KCNQ1OT1: variants seen among roughly 807,000 people sequenced by gnomAD.
KCNQ1OT1 encodes KCNQ1 antisense RNA 2 (non-protein coding).
At position 2,623,417 on chromosome 11, in the gene KCNQ1OT1, C is replaced by T. The variant is rs1849206773; in HGVS notation, n.76578G>A. ...TGCCCTAAAAGTACTCTGTGCACTG[C>T]CTATTCAACCCTTCTTCCCCAACAA... On this transcript the variant is annotated non_coding_transcript_exon_variant, in exon 1 of 1. Coordinates refer to ENST00000597346, the Ensembl canonical transcript of KCNQ1OT1. The surrounding 1 kb of genome is among the most constrained non-coding windows in gnomAD (Gnocchi z 5.2). 5.0e-6 allele frequency: 2 copies of T among 398,416 alleles called. No individual in the cohort carries two copies. Among genetic ancestry groups the T allele is most frequent in the African/African-American group, 2.1e-5 (1 of 48,614 alleles). 24.7% of individuals were successfully genotyped at this position (398,416 alleles called of 1,614,324 possible).
chr11:2,649,280 T>G (rs1465657472), exon 1 of KCNQ1OT1: 2 of 398,496 alleles, frequency 5.0e-6, no homozygotes, highest in Non-Finnish European at 4.4e-6. Flanking sequence ...TTGTATACTT[T>G]TGTTTCCTCT....
chr11:2,650,056 GCTTGA>G (rs1166590270), exon 1 of KCNQ1OT1: 2 of 398,062 alleles, frequency 5.0e-6, no homozygotes, highest in Non-Finnish European at 8.9e-6. Context: ...TATTTCTTCT[GCTTGA>G]CTTAGCCGGC....
At chr11:2,640,098 C>T (rs933906932) in exon 1 of KCNQ1OT1, 21 of 264,748 alleles carry the variant, frequency 7.9e-5, no homozygotes, top group Admixed American at 1.6e-4. Context: ...TTCCAGGTGC[C>T]GTCTGTCACC....
chr11:2,628,064 T>C (rs1849289636), exon 1 of KCNQ1OT1: 1 of 398,652 alleles, frequency 2.5e-6, no homozygotes, highest in African/African-American at 2.1e-5. Flanking sequence ...ACTATGTTGC[T>C]CATTTCTTGA....
exon 1 of KCNQ1OT1, chr11:2,614,578 A>G (rs1849030647): frequency 2.5e-6 from 1 of 398,386 alleles, no homozygotes; most frequent in Non-Finnish European, 4.4e-6. Flanking sequence ...TATGGGTCCA[A>G]CTTCATTCTT....
exon 1 of KCNQ1OT1, chr11:2,638,722 G>A (rs1170245648): frequency 1.3e-5 from 2 of 152,176 alleles, no homozygotes; most frequent in Non-Finnish European, 2.9e-5. Context: ...ATGTTGGCCT[G>A]CCTTGCTAGG....
At chr11:2,633,078 T>C (rs1849389543) in exon 1 of KCNQ1OT1, 2 of 398,394 alleles carry the variant, frequency 5.0e-6, no homozygotes, top group Non-Finnish European at 4.4e-6. Flanking sequence ...CCAGCATTTG[T>C]TATGTTTTGT....
rs1202270975 is a variant in KCNQ1OT1, at chr11:2,663,943, A to C, written n.36052T>G. On this transcript the variant is annotated non_coding_transcript_exon_variant, in exon 1 of 1. Transcript: ENST00000597346. The surrounding 1 kb of genome is among the most constrained non-coding windows in gnomAD (Gnocchi z 5.2). ...GGGCTGTTTCTTGTTCCACTCCAGG[A>C]TGACAGGGCCTGAGAGACCTGAACA... 2 of 398,552 alleles carry C rather than the reference A, an allele frequency of 5.0e-6. No homozygotes were observed. The highest frequency in any genetic ancestry group is 2.1e-5 in the African/African-American group (1 of 48,622). The allele number at this position is 398,552 out of a possible 1,614,324, so 24.7% of individuals were successfully genotyped here. A position where few individuals can be genotyped will look rare whatever the true frequency, so the allele number is the denominator to read the frequency against.
rs1850563522 is a variant in KCNQ1OT1, at chr11:2,690,094, A to G, written n.9901T>C. 2 of 398,800 alleles carry G rather than the reference A, an allele frequency of 5.0e-6. No homozygotes were observed. The highest frequency in any genetic ancestry group is 8.8e-6 in the Non-Finnish European group (2 of 226,298). 24.7% of individuals were successfully genotyped at this position (398,800 alleles called of 1,614,324 possible). A position where few individuals can be genotyped will look rare whatever the true frequency, so the allele number is the denominator to read the frequency against. ...CTGGGCTGAAGGCACAGCAGGGACA[A>G]TCGCTCTTCCGGGGTTAGAACTGGG... On this transcript the variant is annotated non_coding_transcript_exon_variant, in exon 1 of 1. Transcript: ENST00000597346. The surrounding 1 kb of genome is among the most constrained non-coding windows in gnomAD (Gnocchi z 5.1).
At chr11:2,640,732 T>C (rs1849561898) in exon 1 of KCNQ1OT1, 2 of 398,464 alleles carry the variant, frequency 5.0e-6, no homozygotes, top group African/African-American at 2.1e-5. Flanking sequence ...TACATTATAT[T>C]GTTAAATATA....
In KCNQ1OT1 at chr11:2,653,868, G is replaced by A; in HGVS notation, n.46127C>T. 2.5e-6 allele frequency: 1 copy of A among 398,644 alleles called. No individual in the cohort carries two copies. The highest frequency in any genetic ancestry group is 4.4e-6 in the Non-Finnish European group (1 of 226,080). The allele number at this position is 398,644 out of a possible 1,614,324, so 24.7% of individuals were successfully genotyped here. On this transcript the variant is annotated non_coding_transcript_exon_variant, in exon 1 of 1. Transcript: ENST00000597346. This position sits in a 1 kb window ranked among gnomAD's most constrained non-coding sequence, Gnocchi z 5.3. ...GAGGGTACCTAAACACTGCACACTA[G>A]GAGTGGGAAAGGAAGAGCCCCCTAA...
rs201000825 is a variant in KCNQ1OT1, at chr11:2,658,977, A to G, written n.41018T>C. ...CTTTTGCTTTAACCATAGAGTGTCC[A>G]GTCAAAACAGTGTTTTTGAAAGCAA... On this transcript the variant is annotated non_coding_transcript_exon_variant, in exon 1 of 1. Coordinates refer to ENST00000597346, the Ensembl canonical transcript of KCNQ1OT1. The surrounding 1 kb of genome is among the most constrained non-coding windows in gnomAD (Gnocchi z 4.9). The G allele has an allele frequency of 7.5e-6, 3 of 398,568 alleles. No individual in the cohort carries two copies. The highest frequency in any genetic ancestry group is 6.2e-5 in the African/African-American group (3 of 48,740). 24.7% of individuals were successfully genotyped at this position (398,568 alleles called of 1,614,324 possible). A position where few individuals can be genotyped will look rare whatever the true frequency, so the allele number is the denominator to read the frequency against.
In KCNQ1OT1 at chr11:2,621,943, C is replaced by T. The variant is rs1480548638; in HGVS notation, n.78052G>A. ...TTAGTTTGTTCTTCTTTTTCTAATT[C>T]CTTGAGGTACAATTTTGGGCTATTT... is the stretch of plus-strand genomic sequence containing the variant. On this transcript the variant is annotated non_coding_transcript_exon_variant, in exon 1 of 1. Coordinates refer to ENST00000597346, the Ensembl canonical transcript of KCNQ1OT1. The surrounding 1 kb of genome is among the most constrained non-coding windows in gnomAD (Gnocchi z 5.7). The T allele has an allele frequency of 2.5e-6, 1 of 398,074 alleles. No homozygotes were observed. The highest frequency in any genetic ancestry group is 3.6e-5 in the East Asian group (1 of 28,012). The allele number at this position is 398,074 out of a possible 1,614,324, so 24.7% of individuals were successfully genotyped here.
At chr11:2,629,850 A>G in exon 1 of KCNQ1OT1, 2 of 397,862 alleles carry the variant, frequency 5.0e-6, no homozygotes, top group Admixed American at 8.8e-5. Context: ...TTTTCTACAT[A>G]TATGATGTCA....
Position 2,691,204 on chromosome 11 carries a change from T to A in KCNQ1OT1, n.8791A>T, listed in dbSNP as rs2133892165. 2.5e-6 allele frequency: 1 copy of A among 398,556 alleles called. No individual in the cohort carries two copies. Among genetic ancestry groups the A allele is most frequent in the East Asian group, 3.6e-5 (1 of 28,074 alleles). The allele number at this position is 398,556 out of a possible 1,614,324, so 24.7% of individuals were successfully genotyped here. A position where few individuals can be genotyped will look rare whatever the true frequency, so the allele number is the denominator to read the frequency against. On this transcript the variant is annotated non_coding_transcript_exon_variant, in exon 1 of 1. Transcript: ENST00000597346. This position sits in a 1 kb window ranked among gnomAD's most constrained non-coding sequence, Gnocchi z 6.4. Reference sequence around the variant, plus strand: ...CTCAGAGCTCAGCTGTGTTTAAAAATTAGCAAGTGGAGGAGTTAGAGGATC... The same window carrying A: ...CTCAGAGCTCAGCTGTGTTTAAAAAATAGCAAGTGGAGGAGTTAGAGGATC...
In KCNQ1OT1 at chr11:2,664,310, C is replaced by T. The variant is rs1027286143; in HGVS notation, n.35685G>A. ...CCACCTTGAGGCATTGTGTTCTGGT[C>T]AGGGAAGACTCAGGGCTGAGGCTTC... is the stretch of plus-strand genomic sequence containing the variant. On this transcript the variant is annotated non_coding_transcript_exon_variant, in exon 1 of 1. Transcript: ENST00000597346. The surrounding 1 kb of genome is among the most constrained non-coding windows in gnomAD (Gnocchi z 5.1). 2.0e-5 allele frequency: 8 copies of T among 398,926 alleles called. No homozygotes were observed. Among genetic ancestry groups the T allele is most frequent in the African/African-American group, 1.4e-4 (7 of 48,646 alleles). The allele number at this position is 398,926 out of a possible 1,614,324, so 24.7% of individuals were successfully genotyped here.
rs1850196390 is a variant in KCNQ1OT1, at chr11:2,672,231, T to C, written n.27764A>G. The stretch of plus-strand genomic sequence containing the variant: ...AAATTGAATTCCTTCCAGTCCAAAA[T>C]ACTCAAATGCTTTTTTCTGCTTTTC... On this transcript the variant is annotated non_coding_transcript_exon_variant, in exon 1 of 1. Coordinates refer to ENST00000597346, the Ensembl canonical transcript of KCNQ1OT1. 1.0e-5 allele frequency: 4 copies of C among 398,552 alleles called. No individual in the cohort carries two copies. In the Admixed American group the frequency reaches 1.3e-4, roughly 13 times the overall value. 24.7% of individuals were successfully genotyped at this position (398,552 alleles called of 1,614,324 possible). A position where few individuals can be genotyped will look rare whatever the true frequency, so the allele number is the denominator to read the frequency against.
chr11:2,681,315 G>C (rs978519075), exon 1 of KCNQ1OT1: 1 of 398,310 alleles, frequency 2.5e-6, no homozygotes, highest in African/African-American at 2.1e-5. Flanking sequence ...CTGGTTCTCT[G>C]TCTCTCTCCA....
rs1850133781 is a variant in KCNQ1OT1, at chr11:2,669,005, C to A, written n.30990G>T. 1 of 398,672 alleles carries A rather than the reference C, an allele frequency of 2.5e-6. No individual in the cohort carries two copies. Among genetic ancestry groups the A allele is most frequent in the Non-Finnish European group, 4.4e-6 (1 of 226,090 alleles). The allele number at this position is 398,672 out of a possible 1,614,324, so 24.7% of individuals were successfully genotyped here. ...AGGCCGAGGTCAAGGTCCACTCTTC[C>A]CCTACTTGGATATCCAGTCTAGCTC... On this transcript the variant is annotated non_coding_transcript_exon_variant, in exon 1 of 1. Coordinates refer to ENST00000597346, the Ensembl canonical transcript of KCNQ1OT1. The surrounding 1 kb of genome is among the most constrained non-coding windows in gnomAD (Gnocchi z 5.6).
Sources: allele counts gnomAD v4.1 joint callset, GRCh38; gene constraint gnomAD v4.1.1; non-coding constraint Gnocchi (gnomAD v3.1); transcripts MANE v1.5; gene names NCBI Gene and HGNC (gene_info 2026-07-23, HGNC 2026-07-21).